The following TENM3 variants were observed in gnomAD, a reference collection of about 807,000 sequenced individuals.
TENM3 encodes the protein teneurin-3.
Under a neutral mutation model 255.1 loss-of-function variants are expected in TENM3, and 63 were observed. The ratio of observed to expected loss-of-function variants is 0.25; its 90% CI spans 0.20 to 0.30. TENM3 has a LOEUF of 0.30. Ranked by LOEUF, TENM3 falls within the 10% of genes least tolerant of loss-of-function variation. The pLI, the probability that TENM3 is intolerant of heterozygous loss-of-function variation, is 1.00. For missense variants in TENM3, 2,929 were observed against 3,461.1 expected (o/e 0.85, Z 3.86); for synonymous variants, 1,306 against 1,322.3 (o/e 0.99, Z 0.27).
At chr4:181,654,939 A>C in the TENM3 span, among the ~76,000 whole-genome samples, 1 of 152,134 alleles carries the variant, frequency 6.6e-6, no homozygotes, top group East Asian at 1.9e-4. Context: ...AAAGAGGTGA[A>C]TGTAGAAACA....
the TENM3 span, among the ~76,000 whole-genome samples, chr4:182,008,675 C>T: frequency 6.6e-6 from 1 of 151,954 alleles, no homozygotes; most frequent in East Asian, 1.9e-4. Context: ...GAACATGCTC[C>T]TTTAACTCAT....
the TENM3 span, among the ~76,000 whole-genome samples, chr4:181,501,686 T>C: frequency 6.6e-6 from 1 of 152,186 alleles, no homozygotes; most frequent in Non-Finnish European, 1.5e-5. Context: ...CCAGATTGGT[T>C]TTTTTTCTAT....
the TENM3 span, among the ~76,000 whole-genome samples, chr4:181,767,607 G>T: frequency 6.6e-6 from 1 of 152,212 alleles, no homozygotes; most frequent in South Asian, 2.1e-4. Flanking sequence ...TTAAGCTGTG[G>T]ATCACTGGAT....
chr4:182,487,532 A>G (rs190072233), intron 3 of TENM3, among the ~76,000 whole-genome samples: 23 of 152,296 alleles, frequency 1.5e-4, no homozygotes, highest in Admixed American at 6.5e-4. Flanking sequence ...TGTATTAAGT[A>G]TACCACTGAA....
the TENM3 span, among the ~76,000 whole-genome samples, chr4:181,574,767 G>A: frequency 6.6e-6 from 1 of 151,784 alleles, no homozygotes; most frequent in African/African-American, 2.4e-5. Context: ...AACTGGAGAG[G>A]GCTAACTTAG....
the TENM3 span, among the ~76,000 whole-genome samples, chr4:181,475,342 A>T: frequency 1.3e-5 from 2 of 152,258 alleles, no homozygotes; most frequent in Non-Finnish European, 2.9e-5. Context: ...ATGAAGAAAG[A>T]AACAGAGTTC....
the TENM3 span, among the ~76,000 whole-genome samples, chr4:182,031,892 AC>A: frequency 6.6e-6 from 1 of 152,174 alleles, no homozygotes; most frequent in Non-Finnish European, 1.5e-5. Flanking sequence ...GGATTTTTGC[AC>A]ATTGATTTTG....
intron 7 of TENM3, among the ~76,000 whole-genome samples, chr4:182,678,978 G>T (rs916013631): frequency 6.6e-6 from 1 of 152,110 alleles, no homozygotes; most frequent in Non-Finnish European, 1.5e-5. Flanking sequence ...ACCAAACGCC[G>T]CATGTTCTCA....
chr4:182,737,602 T>C (rs1050287166), intron 17 of TENM3, among the ~76,000 whole-genome samples: 1 of 152,162 alleles, frequency 6.6e-6, no homozygotes, highest in African/African-American at 2.4e-5. Context: ...GACTGAACAG[T>C]GCAATCAAAG....
chr4:181,866,541 C>A, the TENM3 span, among the ~76,000 whole-genome samples: 1 of 152,042 alleles, frequency 6.6e-6, no homozygotes, highest in Non-Finnish European at 1.5e-5. Context: ...ATCTGTGAAC[C>A]CTAGCCAGGC....
chr4:182,427,026 T>C (rs1771272543), intron 3 of TENM3, among the ~76,000 whole-genome samples: 1 of 152,226 alleles, frequency 6.6e-6, no homozygotes, highest in African/African-American at 2.4e-5. Context: ...TTTGTGTTAA[T>C]GTTTTGGATT....
chr4:181,582,683 AAAAG>A, the TENM3 span, among the ~76,000 whole-genome samples: 1,640 of 146,666 alleles, frequency 0.011, 29 homozygotes, highest in African/African-American at 0.024. Context: ...AAAAAAAAAA[AAAAG>A]AAAGAAAGAA....
chr4:182,228,086 A>C (rs1249647451), intron 1 of TENM3, among the ~76,000 whole-genome samples: 7 of 152,020 alleles, frequency 4.6e-5, no homozygotes, highest in Non-Finnish European at 1.0e-4. Context: ...GGGCAGGAGG[A>C]GGAAATGGAG....
the TENM3 span, among the ~76,000 whole-genome samples, chr4:181,794,507 T>A: frequency 6.6e-6 from 1 of 152,180 alleles, no homozygotes; most frequent in East Asian, 1.9e-4. Flanking sequence ...ATTTGACTTT[T>A]TTAGATTCCA....
chr4:182,558,976 G>T (rs1309044235), intron 3 of TENM3, among the ~76,000 whole-genome samples: 5 of 152,070 alleles, frequency 3.3e-5, no homozygotes, highest in African/African-American at 1.2e-4. Context: ...TAATCAGTGA[G>T]GCTTGGAATT....
intron 3 of TENM3, among the ~76,000 whole-genome samples, chr4:182,553,245 C>T (rs1742237402): frequency 6.6e-6 from 1 of 152,034 alleles, no homozygotes; most frequent in African/African-American, 2.4e-5. Context: ...CAGGCAAGAG[C>T]CACCACGCCC....
the TENM3 span, among the ~76,000 whole-genome samples, chr4:181,465,941 A>G: frequency 6.6e-6 from 1 of 152,052 alleles, no homozygotes; most frequent in East Asian, 1.9e-4. Flanking sequence ...TTTCCCTTCT[A>G]AAATGACTTA....
intron 3 of TENM3, among the ~76,000 whole-genome samples, chr4:182,498,335 A>G (rs1735994677): frequency 6.6e-6 from 1 of 152,170 alleles, no homozygotes; most frequent in Non-Finnish European, 1.5e-5. Context: ...AAGGCCTATT[A>G]GGAAAACTGC....
chr4:181,840,327 T>G, the TENM3 span, among the ~76,000 whole-genome samples: 1 of 152,120 alleles, frequency 6.6e-6, no homozygotes, highest in Non-Finnish European at 1.5e-5. Context: ...GAACATTTTA[T>G]GGGTCTAAAT....
Sources: allele counts gnomAD v4.1 joint callset (sites outside exome capture counted in the v4.1 genomes callset), GRCh38; gene constraint gnomAD v4.1.1; transcripts MANE v1.5; gene names NCBI Gene and HGNC (gene_info 2026-07-23, HGNC 2026-07-21).